Variants in NCKAP5 observed in about 807,000 individuals in gnomAD.
The protein encoded by NCKAP5 is nck-associated protein 5.
NCKAP5 carries 92 observed loss-of-function variants against 167.0 expected under a neutral mutation model. That is an observed-to-expected ratio of 0.55 (90% CI 0.47 to 0.66). NCKAP5 has a LOEUF of 0.66. NCKAP5 is among the 30% of genes least tolerant of loss of function. The pLI is 0.00. For missense variants in NCKAP5, 2,378 were observed against 2,315.0 expected (o/e 1.03, Z -0.56); for synonymous variants, 891 against 877.4 (o/e 1.02, Z -0.27).
chr2:133,371,155 C>T (rs1165070900), intron 3 of NCKAP5, among the ~76,000 whole-genome samples: 3 of 152,178 alleles, frequency 2.0e-5, no homozygotes, highest in African/African-American at 7.2e-5. Flanking sequence ...CAGCTAAGAC[C>T]TTCAGTCCCA....
At chr2:132,945,259 G>A (rs1697614930) in intron 8 of NCKAP5, among the ~76,000 whole-genome samples, 1 of 151,926 alleles carries the variant, frequency 6.6e-6, no homozygotes. Context: ...AACAAATACT[G>A]GGGGATCCCA....
At chr2:133,541,985 G>A (rs997367550) in intron 2 of NCKAP5, among the ~76,000 whole-genome samples, 12 of 152,112 alleles carry the variant, frequency 7.9e-5, no homozygotes, top group South Asian at 2.1e-4. Flanking sequence ...GGGTTTGCAC[G>A]GGATTGTTTG....
intron 6 of NCKAP5, among the ~76,000 whole-genome samples, chr2:133,111,165 C>T (rs1011452821): frequency 2.0e-5 from 3 of 152,058 alleles, no homozygotes; most frequent in Non-Finnish European, 2.9e-5. Flanking sequence ...TAACACACAC[C>T]ACGTAAGAGG....
At chr2:133,209,581 C>T (rs1328984079) in intron 5 of NCKAP5, among the ~76,000 whole-genome samples, 3 of 151,842 alleles carry the variant, frequency 2.0e-5, no homozygotes, top group African/African-American at 7.3e-5. Context: ...TCTACTTCTA[C>T]ATATGCGCTC....
chr2:133,466,861 G>A (rs1346268262), intron 3 of NCKAP5, among the ~76,000 whole-genome samples: 1 of 152,114 alleles, frequency 6.6e-6, no homozygotes, highest in African/African-American at 2.4e-5. Context: ...CATTGATTTT[G>A]TATGCTGAGA....
chr2:133,211,794 T>C (rs1019522752), intron 5 of NCKAP5, among the ~76,000 whole-genome samples: 1 of 152,222 alleles, frequency 6.6e-6, no homozygotes, highest in Non-Finnish European at 1.5e-5. Context: ...CATTCGTAAC[T>C]TTTCCAAAGT....
intron 3 of NCKAP5, among the ~76,000 whole-genome samples, chr2:133,479,457 C>T (rs1210633225): frequency 6.6e-6 from 1 of 152,136 alleles, no homozygotes; most frequent in Non-Finnish European, 1.5e-5. Flanking sequence ...GATGTTTCTC[C>T]ACCATGGAAG....
At chr2:132,862,434 C>G (rs1689984483) in intron 10 of NCKAP5, among the ~76,000 whole-genome samples, 1 of 152,136 alleles carries the variant, frequency 6.6e-6, no homozygotes, top group African/African-American at 2.4e-5. Flanking sequence ...ATGTCATGTT[C>G]AGAATGACGT....
chr2:133,322,395 C>T (rs1285830012), intron 3 of NCKAP5, among the ~76,000 whole-genome samples: 1 of 152,150 alleles, frequency 6.6e-6, no homozygotes, highest in Non-Finnish European at 1.5e-5. Context: ...AGAGAGTGAG[C>T]TTGTGGAAAG....
rs1035748676 is a variant in NCKAP5, at chr2:133,507,472, A to C, written c.69+9986T>G. On this transcript the variant is annotated intron_variant, in intron 3 of 19. Coordinates refer to ENST00000409261, the MANE Select transcript of NCKAP5 (RefSeq NM_207363.3). ...AGCAAACCTCAGGGGCATATTCGGA[A>C]ATGGACAATTATGATCCATTAAGCC... Among the ~76,000 whole-genome samples the C allele has an allele frequency of 3.3e-5, 5 of 152,216 alleles. 1 individual carries two copies. The highest frequency in any genetic ancestry group is 3.3e-4 in the Admixed American group (5 of 15,278).
At chr2:133,108,991 T>C (rs1400828872) in intron 6 of NCKAP5, among the ~76,000 whole-genome samples, 1 of 152,182 alleles carries the variant, frequency 6.6e-6, no homozygotes, top group East Asian at 1.9e-4. Flanking sequence ...AAAGGGCCTA[T>C]AATATTTATA....
chr2:133,194,501 A>G (rs969094092), intron 5 of NCKAP5, among the ~76,000 whole-genome samples: 6 of 152,110 alleles, frequency 3.9e-5, no homozygotes, highest in African/African-American at 1.4e-4. Flanking sequence ...GTGATCTCAC[A>G]TCTGGCAAGC....
chr2:132,771,831 C>A (rs2104943638), intron 16 of NCKAP5, among the ~76,000 whole-genome samples: 1 of 148,136 alleles, frequency 6.8e-6, no homozygotes, highest in African/African-American at 2.5e-5. Flanking sequence ...CACAACCACG[C>A]CCGGCTAATT....
intron 16 of NCKAP5, among the ~76,000 whole-genome samples, chr2:132,768,935 G>C (rs1269643291): frequency 2.1e-5 from 3 of 141,780 alleles, no homozygotes; most frequent in African/African-American, 8.1e-5. Context: ...CACCACACCT[G>C]GCCCTTTTTT....
chr2:132,744,472 A>G (rs1198078928), intron 16 of NCKAP5, among the ~76,000 whole-genome samples: 1 of 151,750 alleles, frequency 6.6e-6, no homozygotes, highest in African/African-American at 2.4e-5. Flanking sequence ...TGAAAATACA[A>G]TGGAATGCAG....
intron 19 of NCKAP5, among the ~76,000 whole-genome samples, chr2:132,681,076 C>T (rs1685162769): frequency 6.6e-6 from 1 of 151,446 alleles, no homozygotes; most frequent in Admixed American, 6.6e-5. Context: ...TTGCTATCAG[C>T]CTGTGTAAAC....
At chr2:133,138,179 G>A (rs2082866371) in intron 5 of NCKAP5, among the ~76,000 whole-genome samples, 1 of 152,028 alleles carries the variant, frequency 6.6e-6, no homozygotes, top group South Asian at 2.1e-4. Context: ...AAAAAGAAGG[G>A]GGGGTACTAT....
intron 4 of NCKAP5, chr2:133,266,427 T>G (rs550076301): frequency 6.6e-6 from 1 of 152,192 alleles, no homozygotes; most frequent in African/African-American, 2.4e-5. Flanking sequence ...AACGGGGTAG[T>G]GGGAGCCAGG....
chr2:132,887,497 T>A (rs868465153), intron 8 of NCKAP5, among the ~76,000 whole-genome samples: 1 of 152,202 alleles, frequency 6.6e-6, no homozygotes, highest in Non-Finnish European at 1.5e-5. Flanking sequence ...TTGTTACCTC[T>A]TATACTTTGT....
Sources: gnomAD v4.1 joint callset for allele counts (sites outside exome capture counted in the v4.1 genomes callset) on GRCh38, gnomAD v4.1.1 for gene constraint, MANE v1.5 for transcripts, NCBI Gene and HGNC (gene_info 2026-07-23, HGNC 2026-07-21) for gene names.